The following DLGAP1 variants were observed in gnomAD, a reference collection of about 807,000 sequenced individuals.
DLGAP1 encodes disks large-associated protein 1.
Under a neutral mutation model 90.8 loss-of-function variants are expected in DLGAP1, and 11 were observed. The observed-to-expected ratio is 0.12, with a 90% CI of 0.08 to 0.20. The LOEUF is 0.20. Among genes scored for constraint, DLGAP1 ranks in the 10% least tolerant of loss-of-function variants. The pLI is 1.00. For synonymous variants in DLGAP1, 558 were observed against 540.7 expected (o/e 1.03, Z -0.44); for missense variants, 1,050 against 1,333.8 (o/e 0.79, Z 3.31).
rs114589736 is a variant in DLGAP1, at chr18:3,859,407, G to A, written c.957+19705C>T. On this transcript the variant is annotated intron_variant, in intron 4 of 12. Transcript: ENST00000315677. ...GTAGATTCTGTAGTAGGCAGATTAC[G>A]GACTCCCCAAAGACGCCCATGTCTT... Among the ~76,000 whole-genome samples, 1,029 of 152,258 alleles carry A rather than the reference G, an allele frequency of 6.8e-3. 9 individuals carry two copies. The highest frequency in any genetic ancestry group is 0.024 in the African/African-American group (993 of 41,538).
At chr18:4,265,397 C>T (rs1203413631) in intron 1 of DLGAP1, among the ~76,000 whole-genome samples, 1 of 151,832 alleles carries the variant, frequency 6.6e-6, no homozygotes, top group East Asian at 2.0e-4. Context: ...TCTCAACCTC[C>T]TGACCTTGTG....
In DLGAP1 at chr18:3,879,468, A is replaced by G. The variant is rs777880729; in HGVS notation, c.601T>C (p.Trp201Arg). The change falls in exon 4 of 13, where the codon TGG becomes CGG. Residue 201 changes from tryptophan to arginine, a missense_variant. By Grantham distance (101) the Trp-to-Arg change is moderately radical. This residue lies in a region of DLGAP1 where 485 missense variants were observed against 454.1 expected (regional missense o/e 1.07). Coordinates refer to ENST00000315677, the MANE Select transcript of DLGAP1 (RefSeq NM_004746.4). The surrounding 1 kb of genome is among the most constrained non-coding windows in gnomAD (Gnocchi z 6.6). Reference protein sequence around the residue: ...PKARPSTSPGWWSSDDNLDGD... With the variant: ...PKARPSTSPGRWSSDDNLDGD... ...TCCAGGTTGTCGTCCGAGCTCCACC[A>G]GCCCGGGGAGGTGCTGGGCCGGGCC... is the stretch of plus-strand genomic sequence containing the variant. 29 of 1,605,826 alleles carry G rather than the reference A, an allele frequency of 1.8e-5. No individual in the cohort carries two copies. The highest frequency in any genetic ancestry group is 2.5e-6 in the Non-Finnish European group (3 of 1,179,906).
intron 2 of DLGAP1, among the ~76,000 whole-genome samples, chr18:4,024,590 C>G (rs1027051957): frequency 6.6e-5 from 10 of 152,158 alleles, no homozygotes; most frequent in African/African-American, 2.4e-4. Flanking sequence ...ACTCACGTGG[C>G]CACATCTGTC....
chr18:4,399,120 G>A (rs1250669616), intron 1 of DLGAP1, among the ~76,000 whole-genome samples: 2 of 152,282 alleles, frequency 1.3e-5, no homozygotes, highest in Admixed American at 6.5e-5. Flanking sequence ...GTGAGCCACC[G>A]CACCAGGCCT....
Position 4,151,192 on chromosome 18 carries a change from A to G in DLGAP1, c.-171T>C, listed in dbSNP as rs989241571. On this transcript the variant is annotated 5_prime_UTR_variant, in exon 2 of 13. Transcript: ENST00000315677. ...GGGGCAGTTTTACCTTTGATTATCA[A>G]TTGTCCATTTTCCTTGCTTCCGAGT... 2.6e-5 allele frequency: 4 copies of G among 152,188 alleles called. No individual in the cohort carries two copies. The highest frequency in any genetic ancestry group is 4.4e-5 in the Non-Finnish European group (3 of 68,030). The allele number at this position is 152,188 out of a possible 1,614,324, so 9.4% of individuals were successfully genotyped here.
rs972131408 is a variant in DLGAP1 at position 3,711,817 on chromosome 18, C to G, written c.1591+17318G>C. Among the ~76,000 whole-genome samples the G allele has an allele frequency of 6.6e-6, 1 of 151,596 alleles. No individual in the cohort carries two copies. The highest frequency in any genetic ancestry group is 2.4e-5 in the African/African-American group (1 of 41,204). On this transcript the variant is annotated intron_variant, in intron 7 of 12. Transcript: ENST00000315677. This position sits in a 1 kb window ranked among gnomAD's most constrained non-coding sequence, Gnocchi z 4.0. ...TCATGCCACTGCACTCCAGTCTGGG[C>G]AACAGAGTGAGACCTTGTCTCAAAA...
At chr18:3,900,418 C>A (rs1394120533) in intron 3 of DLGAP1, among the ~76,000 whole-genome samples, 2 of 152,208 alleles carry the variant, frequency 1.3e-5, no homozygotes, top group Non-Finnish European at 2.9e-5. Context: ...ACTTTAGCAC[C>A]TTTTAAACAT....
chr18:3,996,177 G>GACA (rs1220706316), intron 3 of DLGAP1, among the ~76,000 whole-genome samples: 1 of 152,060 alleles, frequency 6.6e-6, no homozygotes, highest in African/African-American at 2.4e-5. Context: ...AAGTGGCTTT[G>GACA]TATTATGTTT....
intron 7 of DLGAP1, among the ~76,000 whole-genome samples, chr18:3,650,887 T>TCTATTTAAATA (rs1567899167): frequency 1.6e-4 from 24 of 150,296 alleles, no homozygotes; most frequent in African/African-American, 5.4e-4. Context: ...GCCAACATGG[T>TCTATTTAAATA]GAAACCCTGT....
chr18:4,344,024 G>T (rs374926809), intron 1 of DLGAP1, among the ~76,000 whole-genome samples: 1 of 152,060 alleles, frequency 6.6e-6, no homozygotes, highest in Non-Finnish European at 1.5e-5. Context: ...AAAGTGAAAA[G>T]GTGTCCTGAG....
intron 4 of DLGAP1, among the ~76,000 whole-genome samples, chr18:3,867,673 G>A: frequency 6.6e-6 from 1 of 152,154 alleles, no homozygotes; most frequent in East Asian, 1.9e-4. Context: ...GCTGTTGGGA[G>A]GAGAAATGGG....
intron 1 of DLGAP1, among the ~76,000 whole-genome samples, chr18:4,285,306 T>C (rs989347265): frequency 1.3e-5 from 2 of 152,176 alleles, no homozygotes; most frequent in African/African-American, 4.8e-5. Context: ...AGAGATATCT[T>C]TCTATCTAGA....
intron 2 of DLGAP1, among the ~76,000 whole-genome samples, chr18:4,136,183 G>A (rs925938797): frequency 4.6e-5 from 7 of 152,090 alleles, no homozygotes; most frequent in African/African-American, 7.2e-5. Flanking sequence ...CTTGGTTATT[G>A]TGAGTAGTGC....
intron 11 of DLGAP1, among the ~76,000 whole-genome samples, chr18:3,507,406 ACTCGGAGGCTGAGG>A (rs939998011): frequency 6.4e-4 from 98 of 151,966 alleles, no homozygotes; most frequent in Non-Finnish European, 9.0e-4. Flanking sequence ...AGTCCCAGCT[ACTCGGAGGCTGAGG>A]CAGGAGAATC....
intron 1 of DLGAP1, among the ~76,000 whole-genome samples, chr18:4,227,988 A>G (rs2078227220): frequency 6.6e-6 from 1 of 151,866 alleles, no homozygotes; most frequent in South Asian, 2.1e-4. Flanking sequence ...AGAAGACCCA[A>G]ATAAATAAAA....
intron 1 of DLGAP1, among the ~76,000 whole-genome samples, chr18:4,245,237 T>C (rs549558182): frequency 2.0e-5 from 3 of 152,232 alleles, no homozygotes; most frequent in Admixed American, 1.3e-4. Context: ...AATAGTATTC[T>C]GTAAAATCCG....
intron 7 of DLGAP1, among the ~76,000 whole-genome samples, chr18:3,610,154 C>G (rs1171215750): frequency 6.6e-6 from 1 of 152,098 alleles, no homozygotes; most frequent in Non-Finnish European, 1.5e-5. Flanking sequence ...TTTAAAAAAA[C>G]TAAAACTATT....
intron 1 of DLGAP1, among the ~76,000 whole-genome samples, chr18:4,189,652 G>T (rs948914648): frequency 1.3e-5 from 2 of 152,036 alleles, no homozygotes; most frequent in Admixed American, 6.5e-5. Flanking sequence ...GAACCAGAAC[G>T]GTCAACAAAA....
intron 1 of DLGAP1, chr18:4,294,632 T>C (rs1163357622): frequency 6.6e-6 from 1 of 152,276 alleles, no homozygotes; most frequent in Non-Finnish European, 1.5e-5. Flanking sequence ...CATGTTACAG[T>C]GTGCTCTTCT....
Sources: allele counts gnomAD v4.1 joint callset (sites outside exome capture counted in the v4.1 genomes callset), GRCh38; gene constraint gnomAD v4.1.1; regional missense constraint gnomAD v4.1.1; non-coding constraint Gnocchi (gnomAD v3.1); transcripts MANE v1.5; gene names NCBI Gene and HGNC (gene_info 2026-07-23, HGNC 2026-07-21).